Variants in CCNY observed in about 807,000 individuals in gnomAD.
CCNY encodes cyclin Y.
A neutral mutation model predicts 42.8 loss-of-function variants in CCNY; 19 were observed. The ratio of observed to expected loss-of-function variants is 0.44; its 90% CI spans 0.31 to 0.65. CCNY has a LOEUF of 0.65. Ranked by LOEUF, CCNY falls within the 30% of genes least tolerant of loss-of-function variation. CCNY has a pLI of 0.07. For missense variants in CCNY, 370 were observed against 437.3 expected (o/e 0.85, Z 1.37); for synonymous variants, 165 against 162.7 (o/e 1.01, Z -0.11).
chr10:35,292,321 G>C (rs1835422300), intron 3 of CCNY, among the ~76,000 whole-genome samples: 1 of 151,898 alleles, frequency 6.6e-6, no homozygotes, highest in African/African-American at 2.4e-5. Context: ...TAATTTTCTT[G>C]ATGGTATCTT....
chr10:35,454,167 A>G (rs1051124759), intron 1 of CCNY, among the ~76,000 whole-genome samples: 4 of 152,214 alleles, frequency 2.6e-5, no homozygotes, highest in African/African-American at 9.7e-5. Context: ...AGTGAGAAAT[A>G]AGGAAGCTAA....
intron 1 of CCNY, among the ~76,000 whole-genome samples, chr10:35,392,231 C>T (rs1045866957): frequency 1.3e-5 from 2 of 152,106 alleles, no homozygotes; most frequent in African/African-American, 4.8e-5. Flanking sequence ...AGTTTTGAGT[C>T]TGTGGAGTTT....
intron 3 of CCNY, among the ~76,000 whole-genome samples, chr10:35,282,716 G>C (rs1285707259): frequency 8.9e-6 from 1 of 112,910 alleles, no homozygotes; most frequent in East Asian, 2.5e-4. Context: ...GTGTGAGACT[G>C]TCTCAAAAAA....
intron 3 of CCNY, among the ~76,000 whole-genome samples, chr10:35,325,818 C>T (rs980258868): frequency 9.2e-5 from 14 of 152,084 alleles, no homozygotes; most frequent in Admixed American, 5.2e-4. Context: ...GTGGTTCATG[C>T]CTGTAATCCC....
chr10:35,564,776 G>A (rs969875167), intron 8 of CCNY, among the ~76,000 whole-genome samples: 5 of 152,198 alleles, frequency 3.3e-5, no homozygotes, highest in African/African-American at 9.7e-5. Flanking sequence ...GTTCCTCTCC[G>A]CCAGAGCTCC....
rs765200203 is a variant in CCNY, at chr10:35,337,180, C to T, written c.127C>T (p.His43Tyr). ...SREDTGCNLQHISDRENIDDL... is the reference protein window; with the variant it reads ...SREDTGCNLQYISDRENIDDL... ...CGAGGACACGGGCTGCAACCTGCAG[C>T]ACATCAGCGACCGGGAGAACATAGA... is the stretch of plus-strand genomic sequence containing the variant. The change falls in exon 1 of 10, where the codon CAC (histidine) becomes TAC (tyrosine). Residue 43 changes from histidine to tyrosine, a missense_variant. Around this residue, in one of 2 missense-constraint regions of CCNY, gnomAD observed 136 missense variants for 124.2 expected, o/e 1.09. Transcript: ENST00000374704. 1 of 1,568,198 alleles carries T rather than the reference C, an allele frequency of 6.4e-7. No homozygotes were observed. The highest frequency in any genetic ancestry group is 8.6e-7 in the Non-Finnish European group (1 of 1,158,984).
At chr10:35,370,381 G>A (rs1589068228) in intron 1 of CCNY, among the ~76,000 whole-genome samples, 1 of 152,074 alleles carries the variant, frequency 6.6e-6, no homozygotes, top group Non-Finnish European at 1.5e-5. Context: ...TTGATCTCCT[G>A]ACCTTGTGAT....
At chr10:35,437,180 G>A (rs1838555338) in intron 1 of CCNY, among the ~76,000 whole-genome samples, 1 of 152,188 alleles carries the variant, frequency 6.6e-6, no homozygotes, top group Non-Finnish European at 1.5e-5. Context: ...ACAATTCAAG[G>A]TGAAATTTGG....
intron 1 of CCNY, among the ~76,000 whole-genome samples, chr10:35,398,375 C>T (rs1352209154): frequency 6.6e-6 from 1 of 152,204 alleles, no homozygotes; most frequent in African/African-American, 2.4e-5. Context: ...TGGAAGTGAC[C>T]AACACGTGTC....
At chr10:35,516,961 T>C (rs1156881425) in intron 4 of CCNY, among the ~76,000 whole-genome samples, 8 of 152,202 alleles carry the variant, frequency 5.3e-5, no homozygotes, top group Admixed American at 2.0e-4. Context: ...ACCCTTGCAC[T>C]TTTTATTGAA....
chr10:35,351,698 T>C lies in CCNY; in HGVS notation c.154+14491T>C, dbSNP rs1029130362. Among the ~76,000 whole-genome samples the C allele has an allele frequency of 3.4e-4, 52 of 152,356 alleles. 1 individual carries two copies. Among genetic ancestry groups the C allele is most frequent in the African/African-American group, 1.3e-3 (52 of 41,590 alleles). The stretch of plus-strand genomic sequence containing the variant: ...ATTTTAAGAATTTTTATTTTAAGTA[T>C]ATAATACCATTGGAACAAGATGAAC... On this transcript the variant is annotated intron_variant, in intron 1 of 9. Transcript: ENST00000374704.
intron 1 of CCNY, among the ~76,000 whole-genome samples, chr10:35,345,839 AT>A (rs1836290487): frequency 6.6e-6 from 1 of 152,050 alleles, no homozygotes; most frequent in African/African-American, 2.4e-5. Context: ...TAGAAATACT[AT>A]TTCTCAGATT....
At chr10:35,307,962 C>T (rs1041024002) in intron 3 of CCNY, among the ~76,000 whole-genome samples, 8 of 150,628 alleles carry the variant, frequency 5.3e-5, no homozygotes, top group South Asian at 2.1e-4. Flanking sequence ...GGATTACAGG[C>T]GACCACCATC....
At chr10:35,301,212 T>C (rs1480152753) in intron 3 of CCNY, among the ~76,000 whole-genome samples, 1 of 152,206 alleles carries the variant, frequency 6.6e-6, no homozygotes, top group Non-Finnish European at 1.5e-5. Flanking sequence ...ACAACATATA[T>C]TAGCTTTCGG....
intron 3 of CCNY, among the ~76,000 whole-genome samples, chr10:35,504,668 G>A (rs778690714): frequency 3.3e-5 from 5 of 152,008 alleles, no homozygotes; most frequent in South Asian, 2.1e-4. Flanking sequence ...ATGGAGTCTC[G>A]CTCTGTCACC....
chr10:35,490,830 C>T (rs1359902399), intron 2 of CCNY, among the ~76,000 whole-genome samples: 1 of 152,174 alleles, frequency 6.6e-6, no homozygotes, highest in African/African-American at 2.4e-5. Flanking sequence ...TCAGTGCAGG[C>T]CTCAGCTCAG....
At chr10:35,431,353 T>C (rs545238921) in intron 1 of CCNY, among the ~76,000 whole-genome samples, 14 of 2,138 alleles carry the variant, frequency 6.5e-3, no homozygotes, top group African/African-American at 0.019. Flanking sequence ...CCCCACATCT[T>C]CCCCCCCTCC....
intron 1 of CCNY, among the ~76,000 whole-genome samples, chr10:35,479,354 C>A (rs1270721638): frequency 2.0e-5 from 3 of 146,608 alleles, no homozygotes; most frequent in African/African-American, 7.6e-5. Flanking sequence ...TTGGAACCAA[C>A]CCAAATGTCC....
intron 1 of CCNY, among the ~76,000 whole-genome samples, chr10:35,451,702 A>G (rs1343117620): frequency 6.6e-6 from 1 of 152,220 alleles, no homozygotes; most frequent in Non-Finnish European, 1.5e-5. Flanking sequence ...AGTCCCCCAT[A>G]GTGCCTGGGC....
Sources: gnomAD v4.1 joint callset for allele counts (sites outside exome capture counted in the v4.1 genomes callset) on GRCh38, gnomAD v4.1.1 for gene constraint, gnomAD v4.1.1 regional missense constraint, MANE v1.5 for transcripts, NCBI Gene and HGNC (gene_info 2026-07-23, HGNC 2026-07-21) for gene names.